The following SPTBN2 variants were observed in gnomAD, a reference collection of about 807,000 sequenced individuals.
SPTBN2 encodes the protein spectrin beta chain, non-erythrocytic 2.
In SPTBN2, 107 loss-of-function variants were observed where a neutral mutation model predicts 284.2. The observed-to-expected ratio is 0.38, with a 90% CI of 0.32 to 0.44. The LOEUF is 0.44. SPTBN2 is among the 20% of genes least tolerant of loss of function. SPTBN2 has a pLI of 1.00. For missense variants in SPTBN2, 2,569 were observed against 3,287.1 expected (o/e 0.78, Z 5.34); for synonymous variants, 1,289 against 1,354.8 (o/e 0.95, Z 1.07).
At chr11:66,698,941 A>G (rs1311272233) in intron 19 of SPTBN2, 51 bp downstream of exon 19, 1 of 1,610,120 alleles carries the variant, frequency 6.2e-7, no homozygotes. Context: ...TCTAGGCTCA[A>G]GGTGAGAAAG....
At position 66,688,053 on chromosome 11, in the gene SPTBN2, G is replaced by A; in HGVS notation, c.6401C>T (p.Thr2134Ile). The change falls in exon 33 of 38, where the codon ACA (threonine) becomes ATA (isoleucine). Residue 2134 changes from threonine (T) to isoleucine (I), a missense_variant. Thr to Ile is a moderately conservative substitution (Grantham distance 89, BLOSUM62 -1). Transcript: ENST00000533211. ...GACTCCATTAACACTGGGTGCTTGT[G>A]TGGATGGTGGTGGCCGTGGCTGGGT... ...DGTQPRPPPS[T>I]QAPSVNGVCT... The A allele has an allele frequency of 1.2e-6, 2 of 1,614,188 alleles. No individual in the cohort carries two copies. The highest frequency in any genetic ancestry group is 1.7e-6 in the Non-Finnish European group (2 of 1,180,032).
At position 66,715,704 on chromosome 11, in the gene SPTBN2, C is replaced by G; in HGVS notation, c.309+126G>C. 1 of 1,347,926 alleles carries G rather than the reference C, an allele frequency of 7.4e-7. No individual in the cohort carries two copies. The highest frequency in any genetic ancestry group is 1.0e-6 in the Non-Finnish European group (1 of 970,938). The allele number at this position is 1,347,926 out of a possible 1,614,324, so 83.5% of individuals were successfully genotyped here. A position where few individuals can be genotyped will look rare whatever the true frequency, so the allele number is the denominator to read the frequency against. On this transcript the variant is annotated intron_variant, in intron 4 of 37. Transcript: ENST00000533211. The surrounding 1 kb of genome is among the most constrained non-coding windows in gnomAD (Gnocchi z 5.3). ...CAAAGGCACTTGAAATGAACCCATCCTCTGAGCAGAGGGAGCCACTGCTTC... is the reference window on the plus strand; with the variant it reads ...CAAAGGCACTTGAAATGAACCCATCGTCTGAGCAGAGGGAGCCACTGCTTC...
Position 66,700,482 on chromosome 11 carries a change from A to C in SPTBN2, c.3573+44T>G. The stretch of plus-strand genomic sequence containing the variant: ...CTCCTTCACATTTCCCCGGGTCCCT[A>C]CTTTGCTCTTCCTCCTGCTTGGGAC... On this transcript the variant is annotated intron_variant, in intron 17 of 37. Coordinates refer to ENST00000533211, the MANE Select transcript of SPTBN2 (RefSeq NM_006946.4). This position sits in a 1 kb window ranked among gnomAD's most constrained non-coding sequence, Gnocchi z 6.6. The C allele has an allele frequency of 6.3e-7, 1 of 1,598,708 alleles. No individual in the cohort carries two copies. Among genetic ancestry groups the C allele is most frequent in the Non-Finnish European group, 8.5e-7 (1 of 1,179,700 alleles).
intron 7 of SPTBN2, 86 bp from the exon 8 acceptor site, chr11:66,713,832 A>G: frequency 8.3e-7 from 1 of 1,200,374 alleles, no homozygotes; most frequent in Non-Finnish European, 1.2e-6. Context: ...TTTATCCCTA[A>G]GTCACCGACC....
upstream of SPTBN2, among the ~76,000 whole-genome samples, chr11:66,733,376 G>A (rs140022000): frequency 1.2e-3 from 181 of 152,308 alleles, no homozygotes; most frequent in Non-Finnish European, 2.2e-3. Context: ...GAGTGCACAG[G>A]TTGAAAGAAT....
intron 3 of SPTBN2, among the ~76,000 whole-genome samples, chr11:66,717,328 C>T (rs955572108): frequency 2.0e-5 from 3 of 152,088 alleles, no homozygotes; most frequent in Non-Finnish European, 4.4e-5. Context: ...TGCCACTTTC[C>T]CACAGAGAGC....
At position 66,718,515 on chromosome 11, in the gene SPTBN2, G is replaced by A. The variant is rs575671326; in HGVS notation, c.158-2534C>T. Among the ~76,000 whole-genome samples, 2 of 152,314 alleles carry A rather than the reference G, an allele frequency of 1.3e-5. No individual in the cohort carries two copies. Among genetic ancestry groups the A allele is most frequent in the East Asian group, 3.9e-4 (2 of 5,172 alleles). On this transcript the variant is annotated intron_variant, in intron 3 of 37. Transcript: ENST00000533211. The surrounding 1 kb of genome is among the most constrained non-coding windows in gnomAD (Gnocchi z 4.8). The stretch of plus-strand genomic sequence containing the variant: ...GGGTTGATGAAAGCAGCTGGTGAAA[G>A]CAGGAGGCCCCCGGGGTTGTGGGCC...
At chr11:66,719,401 C>T (rs2135549331) in intron 3 of SPTBN2, among the ~76,000 whole-genome samples, 1 of 152,356 alleles carries the variant, frequency 6.6e-6, no homozygotes, top group East Asian at 1.9e-4. Context: ...TCATGTGCAG[C>T]CTACACTTGC....
At chr11:66,726,821 T>G (rs1942635604) in intron 1 of SPTBN2, among the ~76,000 whole-genome samples, 1 of 152,226 alleles carries the variant, frequency 6.6e-6, no homozygotes, top group Non-Finnish European at 1.5e-5. Context: ...AAATCTTATT[T>G]GCTTCTAAGT....
In SPTBN2 at chr11:66,691,667, G is replaced by C. The variant is rs759705410; in HGVS notation, c.5191-9C>G. The C allele has an allele frequency of 6.2e-7, 1 of 1,613,438 alleles. No individual in the cohort carries two copies. Among genetic ancestry groups the C allele is most frequent in the Non-Finnish European group, 8.5e-7 (1 of 1,180,034 alleles). On this transcript the variant is annotated splice_polypyrimidine_tract_variant and intron_variant, in intron 26 of 37. Transcript: ENST00000533211. The surrounding 1 kb of genome is among the most constrained non-coding windows in gnomAD (Gnocchi z 8.0). ...AATTTGTCTCGGAGCATCTGGTAGA[G>C]GAAGCAGATGGACAGACCATGCCGT...
intron 16 of SPTBN2, 32 bp from the exon 17 acceptor site, chr11:66,701,314 C>T (rs900714793): frequency 6.2e-7 from 1 of 1,607,788 alleles, no homozygotes; most frequent in Admixed American, 1.7e-5. Flanking sequence ...AGCTTCCTGC[C>T]CTGGCCAGGC....
intron 1 of SPTBN2, among the ~76,000 whole-genome samples, chr11:66,742,906 G>C (rs1352085406): frequency 6.6e-6 from 1 of 152,186 alleles, no homozygotes; most frequent in African/African-American, 2.4e-5. Flanking sequence ...CACTGCGCCC[G>C]GCCACGATGG....
At chr11:66,717,165 A>G (rs1942186530) in intron 3 of SPTBN2, among the ~76,000 whole-genome samples, 3 of 152,120 alleles carry the variant, frequency 2.0e-5, no homozygotes, top group Admixed American at 2.0e-4. Context: ...AATCTCAAAA[A>G]AAAGTTAGGC....
At chr11:66,686,244 C>A (rs763767644) in intron 37 of SPTBN2, 140 bp from the exon 38 acceptor site, 1 of 1,387,156 alleles carries the variant, frequency 7.2e-7, no homozygotes, top group Non-Finnish European at 1.0e-6. Flanking sequence ...CCGGCTTAGA[C>A]AGGGAGTGCG....
Position 66,683,437 on chromosome 11 carries a change from C to T in SPTBN2, c.*2434G>A, listed in dbSNP as rs927923720. Among the ~76,000 whole-genome samples, 1 of 152,306 alleles carries T rather than the reference C, an allele frequency of 6.6e-6. No individual in the cohort carries two copies. Among genetic ancestry groups the T allele is most frequent in the East Asian group, 1.9e-4 (1 of 5,188 alleles). ...GCCTGCATTTATTGTATTTTTGTGTCTAACTTGTCTCATAGCCCTCACCGC... is the reference window on the plus strand; with the variant it reads ...GCCTGCATTTATTGTATTTTTGTGTTTAACTTGTCTCATAGCCCTCACCGC... On this transcript the variant is annotated 3_prime_UTR_variant, in exon 38 of 38. Coordinates refer to ENST00000533211, the MANE Select transcript of SPTBN2 (RefSeq NM_006946.4).
At chr11:66,740,411 T>C (rs1232178020) in intron 1 of SPTBN2, among the ~76,000 whole-genome samples, 1 of 152,214 alleles carries the variant, frequency 6.6e-6, no homozygotes, top group Non-Finnish European at 1.5e-5. Flanking sequence ...CATTATGGCC[T>C]CTAGTTGCCC....
chr11:66,691,472 G>A lies in SPTBN2; in HGVS notation c.5377C>T (p.Arg1793Trp), dbSNP rs1314673381. Residue 1793 changes from arginine (R) to tryptophan (W), a missense_variant, in exon 27 of 38, where the codon CGG (arginine) becomes TGG (tryptophan). Physicochemically the swap from Arg to Trp is moderately radical, Grantham distance 101 (BLOSUM62 -3). This residue lies in a region of SPTBN2 where 1,130 missense variants were observed against 1,317.3 expected (regional missense o/e 0.86). Coordinates refer to ENST00000533211, the MANE Select transcript of SPTBN2 (RefSeq NM_006946.4). The surrounding 1 kb of genome is among the most constrained non-coding windows in gnomAD (Gnocchi z 8.0). ...TACGCCGCGGCCAGCACCTGACCCC[G>A]TGTGTCCAGCAGCTCAAGCAGGTCA... ...WADLLELLDT[R>W]GQVLAAAYEL... 9 of 1,611,730 alleles carry A rather than the reference G, an allele frequency of 5.6e-6. No homozygotes were observed. The highest frequency in any genetic ancestry group is 2.7e-5 in the African/African-American group (2 of 75,056).
intron 20 of SPTBN2, among the ~76,000 whole-genome samples, chr11:66,696,966 C>T (rs1940951543): frequency 1.3e-5 from 2 of 152,128 alleles, no homozygotes; most frequent in Non-Finnish European, 2.9e-5. Context: ...TTGAGGATTT[C>T]TGTGTCTGGG....
intron 15 of SPTBN2, 78 bp from the exon 16 acceptor site, chr11:66,701,799 ACACCCAGGAGGGTGTCTCCTT>A (rs1217787102): frequency 1.2e-6 from 2 of 1,603,932 alleles, no homozygotes; most frequent in East Asian, 4.5e-5. Flanking sequence ...CCTCTCTTAA[ACACCCAGGAGGGTGTCTCCTT>A]CACCAGGAGG....
Sources: gnomAD v4.1 joint callset for allele counts (sites outside exome capture counted in the v4.1 genomes callset) on GRCh38, gnomAD v4.1.1 for gene constraint, gnomAD v4.1.1 regional missense constraint, Gnocchi (gnomAD v3.1) non-coding constraint, MANE v1.5 for transcripts, NCBI Gene and HGNC (gene_info 2026-07-23, HGNC 2026-07-21) for gene names.